The following PAPPA variants were observed in gnomAD, a reference collection of about 807,000 sequenced individuals.
PAPPA encodes the protein pappalysin 1, also known as pappalysin-1.
In PAPPA, 60 loss-of-function variants were observed where a neutral mutation model predicts 164.0. The observed-to-expected ratio is 0.37, with a 90% CI of 0.30 to 0.45. The LOEUF (loss-of-function observed/expected upper bound fraction) is 0.45. Among genes scored for constraint, PAPPA ranks in the 20% least tolerant of loss-of-function variants. The pLI, the probability that PAPPA is intolerant of heterozygous loss-of-function variation, is 1.00. For missense variants in PAPPA, 1,782 were observed against 2,087.3 expected, an observed-to-expected ratio of 0.85 and a Z score of 2.85; for synonymous variants, 875 against 814.1, an observed-to-expected ratio of 1.07 and a Z score of -1.27.
At chr9:116,261,827 C>T (rs1845005499) in intron 7 of PAPPA, among the ~76,000 whole-genome samples, 1 of 152,050 alleles carries the variant, frequency 6.6e-6, no homozygotes, top group African/African-American at 2.4e-5. Flanking sequence ...AAATACAACC[C>T]TATGGCACAT....
At chr9:116,208,117 C>T (rs1844259844) in intron 3 of PAPPA, among the ~76,000 whole-genome samples, 1 of 152,194 alleles carries the variant, frequency 6.6e-6, no homozygotes, top group African/African-American at 2.4e-5. Context: ...AACAGGAACT[C>T]TTCTTACATT....
intron 11 of PAPPA, among the ~76,000 whole-genome samples, chr9:116,332,109 C>A (rs530957111): frequency 1.1e-4 from 17 of 152,254 alleles, no homozygotes; most frequent in African/African-American, 4.1e-4. Context: ...CAATGTCACA[C>A]AGCTAAGTAT....
rs1002348355 is a variant in PAPPA, at chr9:116,400,018, TGAAAGAAAGAAAAA to T, written c.*3415_*3428del. The T allele has an allele frequency of 6.6e-6, 1 of 152,118 alleles. No individual in the cohort carries two copies. The highest frequency in any genetic ancestry group is 2.4e-5 in the African/African-American group (1 of 41,296). 9.4% of individuals were successfully genotyped at this position (152,118 alleles called of 1,614,324 possible). A position where few individuals can be genotyped will look rare whatever the true frequency, so the allele number is the denominator to read the frequency against. ...TTTGTTGTTATAGGTCTTACCTGTG[TGAAAGAAAGAAAAA>T]GAAAGAAAGAAAGAAAGAGAAAGGA... On this transcript the variant is annotated 3_prime_UTR_variant, in exon 22 of 22. Transcript: ENST00000328252.
intron 1 of PAPPA, among the ~76,000 whole-genome samples, chr9:116,180,507 G>A (rs1394209562): frequency 2.0e-5 from 3 of 151,986 alleles, no homozygotes; most frequent in African/African-American, 7.3e-5. Context: ...ACTAAATAGA[G>A]GCTTTCAGAA....
At chr9:116,207,679 G>T (rs556124590) in intron 3 of PAPPA, 78 bp downstream of exon 3, 5 of 1,080,818 alleles carry the variant, frequency 4.6e-6, no homozygotes, top group Non-Finnish European at 6.5e-6. Context: ...TCATTGTTAC[G>T]ATCATGATGG....
chr9:116,251,682 A>C (rs1844861858), intron 7 of PAPPA, among the ~76,000 whole-genome samples: 1 of 152,196 alleles, frequency 6.6e-6, no homozygotes, highest in Non-Finnish European at 1.5e-5. Context: ...TCAGCTTGTC[A>C]CAAGCCCCTG....
intron 19 of PAPPA, among the ~76,000 whole-genome samples, chr9:116,372,654 T>G (rs1846590532): frequency 6.6e-6 from 1 of 152,054 alleles, no homozygotes; most frequent in Non-Finnish European, 1.5e-5. Flanking sequence ...CTCCCTATCC[T>G]CAGAACCTTA....
intron 7 of PAPPA, among the ~76,000 whole-genome samples, chr9:116,237,871 C>G (rs1844689345): frequency 6.6e-6 from 1 of 152,022 alleles, no homozygotes; most frequent in Admixed American, 6.6e-5. Flanking sequence ...AGGCACGCAC[C>G]ACCACGCTGG....
Position 116,187,685 on chromosome 9 carries a change from T to C in PAPPA, c.947T>C (p.Phe316Ser). The C allele has an allele frequency of 1.2e-6, 2 of 1,614,236 alleles. No homozygotes were observed. The highest frequency in any genetic ancestry group is 1.7e-6 in the Non-Finnish European group (2 of 1,180,044). Residue 316 changes from phenylalanine to serine, a missense_variant, in exon 2 of 22, where the codon TTT becomes TCT. Physicochemically the swap from Phe to Ser is radical, Grantham distance 155. This residue lies in a region of PAPPA where 458 missense variants were observed against 430.3 expected (regional missense o/e 1.06). Transcript: ENST00000328252. This position sits in a 1 kb window ranked among gnomAD's most constrained non-coding sequence, Gnocchi z 4.2. ...GTGGAATTCAGCAATGCCCACGGCT[T>C]TCTGCTGGACACGAGTCTGGAGCCT... ...PKVEFSNAHG[F>S]LLDTSLEPPL...
intron 10 of PAPPA, chr9:116,316,652 G>A (rs776480189): frequency 2.0e-5 from 3 of 152,232 alleles, no homozygotes; most frequent in Non-Finnish European, 4.4e-5. Context: ...CTGAAGCCTG[G>A]AGGGGCAGGC....
chr9:116,154,006 C>T lies in PAPPA; in HGVS notation c.-167C>T. The T allele has an allele frequency of 3.5e-6, 3 of 852,788 alleles. No individual in the cohort carries two copies. The highest frequency in any genetic ancestry group is 4.5e-6 in the Non-Finnish European group (3 of 660,060). The allele number at this position is 852,788 out of a possible 1,614,324, so 52.8% of individuals were successfully genotyped here. A position where few individuals can be genotyped will look rare whatever the true frequency, so the allele number is the denominator to read the frequency against. ...TTTCAAAGGTGGGGAGAGTGGAGCA[C>T]ACACCTTGAGGAGGAAAGCGAGAAA... On this transcript the variant is annotated 5_prime_UTR_variant, in exon 1 of 22. Coordinates refer to ENST00000328252, the MANE Select transcript of PAPPA (RefSeq NM_002581.5). The surrounding 1 kb of genome is among the most constrained non-coding windows in gnomAD (Gnocchi z 5.2).
At chr9:116,193,314 TA>T (rs1377619252) in intron 2 of PAPPA, among the ~76,000 whole-genome samples, 4 of 152,144 alleles carry the variant, frequency 2.6e-5, no homozygotes, top group Admixed American at 2.6e-4. Flanking sequence ...TCCCCTGCTC[TA>T]ATCAGGGCCA....
chr9:116,276,656 C>T (rs1291174328), intron 9 of PAPPA, among the ~76,000 whole-genome samples: 1 of 152,172 alleles, frequency 6.6e-6, no homozygotes, highest in South Asian at 2.1e-4. Flanking sequence ...AAAGGGACCC[C>T]CACGTCGTCT....
chr9:116,334,584 G>A (rs919518457), intron 12 of PAPPA, among the ~76,000 whole-genome samples: 1 of 152,256 alleles, frequency 6.6e-6, no homozygotes, highest in Non-Finnish European at 1.5e-5. Context: ...CTTGGCTGAG[G>A]GGTGGCCATT....
At chr9:116,289,312 TGGCATATATATGGC>T (rs1564212346) in intron 9 of PAPPA, among the ~76,000 whole-genome samples, 3 of 144,666 alleles carry the variant, frequency 2.1e-5, no homozygotes, top group African/African-American at 7.6e-5. Context: ...AGCATATATA[TGGCATATATATGGC>T]ATATATATAG....
At chr9:116,329,410 T>C (rs1845962034) in intron 10 of PAPPA, among the ~76,000 whole-genome samples, 1 of 152,194 alleles carries the variant, frequency 6.6e-6, no homozygotes, top group African/African-American at 2.4e-5. Context: ...GTATAACAGG[T>C]GTATGCACTA....
intron 13 of PAPPA, among the ~76,000 whole-genome samples, chr9:116,342,501 A>G (rs1003336484): frequency 6.6e-5 from 10 of 152,216 alleles, no homozygotes; most frequent in Admixed American, 2.6e-4. Flanking sequence ...TCTTTAAAAA[A>G]GTAAATTGGT....
chr9:116,302,920 G>A lies in PAPPA; in HGVS notation c.3117G>A (p.Trp1039Ter). ...VSHQDQQCPG[W>*]VIIGQPAASQ... ...ATCAAGACCAGCAATGCCCAGGCTG[G>A]GTCATCATCGGACAGCCAGCAGCAT... Residue 1039 changes from tryptophan to a stop codon, truncating the protein, a stop_gained, in exon 10 of 22, where the codon TGG (tryptophan) becomes TGA (stop). Coordinates refer to ENST00000328252, the MANE Select transcript of PAPPA (RefSeq NM_002581.5). LOFTEE classifies it high-confidence loss of function. The A allele has an allele frequency of 1.2e-6, 2 of 1,613,896 alleles. No individual in the cohort carries two copies. The highest frequency in any genetic ancestry group is 1.7e-6 in the Non-Finnish European group (2 of 1,179,964).
rs962381786 is a variant in PAPPA at position 116,398,378 on chromosome 9, C to A, written c.*1762C>A. On this transcript the variant is annotated 3_prime_UTR_variant, in exon 22 of 22. Coordinates refer to ENST00000328252, the MANE Select transcript of PAPPA (RefSeq NM_002581.5). Reference sequence around the variant, plus strand: ...TCTCAAGTCTAGTGAAGACAGCCAACAGAAACAAAACCTAGCATAGGGATA... The same window carrying A: ...TCTCAAGTCTAGTGAAGACAGCCAAAAGAAACAAAACCTAGCATAGGGATA... 12 of 337,612 alleles carry A rather than the reference C, an allele frequency of 3.6e-5. No individual in the cohort carries two copies. Among genetic ancestry groups the A allele is most frequent in the South Asian group, 2.9e-4 (12 of 41,762 alleles). 20.9% of individuals were successfully genotyped at this position (337,612 alleles called of 1,614,324 possible). A position where few individuals can be genotyped will look rare whatever the true frequency, so the allele number is the denominator to read the frequency against.
Sources: allele counts gnomAD v4.1 joint callset (sites outside exome capture counted in the v4.1 genomes callset), GRCh38; gene constraint gnomAD v4.1.1; regional missense constraint gnomAD v4.1.1; non-coding constraint Gnocchi (gnomAD v3.1); transcripts MANE v1.5; gene names NCBI Gene and HGNC (gene_info 2026-07-23, HGNC 2026-07-21).